The following TP63 variants were observed in gnomAD, a reference collection of about 807,000 sequenced individuals.
TP63 encodes the protein tumor protein p63, also known as tumor protein 63.
TP63 carries 17 observed loss-of-function variants against 82.8 expected under a neutral mutation model. The ratio of observed to expected loss-of-function variants is 0.21; its 90% CI spans 0.14 to 0.31. The LOEUF is 0.31. Ranked by LOEUF, TP63 falls within the 10% of genes least tolerant of loss-of-function variation. The pLI is 1.00. For missense variants in TP63, 648 were observed against 895.3 expected (o/e 0.72, Z 3.52); for synonymous variants, 330 against 321.7 (o/e 1.03, Z -0.28).
At chr3:189,719,711 A>C (rs1046651804) in intron 1 of TP63, among the ~76,000 whole-genome samples, 2 of 152,208 alleles carry the variant, frequency 1.3e-5, no homozygotes, top group Admixed American at 6.5e-5. Context: ...AGATGAGAGT[A>C]TGTGGGTAGC....
intron 4 of TP63, among the ~76,000 whole-genome samples, chr3:189,862,771 G>C (rs1238645948): frequency 6.6e-6 from 1 of 152,142 alleles, no homozygotes; most frequent in African/African-American, 2.4e-5. Context: ...TACCCATCTA[G>C]ATTTCATTCA....
At chr3:189,673,259 G>T (rs756311957) in intron 1 of TP63, among the ~76,000 whole-genome samples, 8 of 152,086 alleles carry the variant, frequency 5.3e-5, no homozygotes, top group Non-Finnish European at 7.4e-5. Context: ...TCCTCAGTCT[G>T]ATAAAACTGA....
chr3:189,614,696 A>G, the TP63 span, among the ~76,000 whole-genome samples: 1 of 152,196 alleles, frequency 6.6e-6, no homozygotes, highest in Admixed American at 6.5e-5. Context: ...TGTGGAGTAC[A>G]TTTAATCTGA....
intron 4 of TP63, among the ~76,000 whole-genome samples, chr3:189,822,675 A>T (rs116124935): frequency 4.1e-4 from 63 of 152,318 alleles, no homozygotes; most frequent in African/African-American, 1.5e-3. Flanking sequence ...AGATAAGTTA[A>T]AGTGCCCTGG....
intron 3 of TP63, among the ~76,000 whole-genome samples, 195 bp from the exon 4 acceptor site, chr3:189,808,077 C>G (rs754718649): frequency 3.3e-4 from 50 of 152,168 alleles, no homozygotes; most frequent in Non-Finnish European, 6.6e-4. Flanking sequence ...CTGGAAAAGC[C>G]GTTACAAACA....
At chr3:189,880,617 G>A (rs1201369484) in intron 10 of TP63, 1 of 985,926 alleles carries the variant, frequency 1.0e-6, no homozygotes, top group African/African-American at 1.7e-5. Context: ...GAAAAAAGTT[G>A]TTATTGTCTG....
chr3:189,868,516 T>A (rs1225191034), intron 7 of TP63, 64 bp from the exon 8 acceptor site: 5 of 1,599,178 alleles, frequency 3.1e-6, no homozygotes, highest in South Asian at 1.1e-5. Flanking sequence ...AAGTGGTAGA[T>A]CTTCAGGGGA....
chr3:189,659,590 C>G (rs1159945576), intron 1 of TP63, among the ~76,000 whole-genome samples: 1 of 151,998 alleles, frequency 6.6e-6, no homozygotes, highest in African/African-American at 2.4e-5. Flanking sequence ...AATGGAATTG[C>G]TGGGTCGAAT....
intron 4 of TP63, among the ~76,000 whole-genome samples, chr3:189,850,828 T>C (rs1715535097): frequency 6.6e-6 from 1 of 152,194 alleles, no homozygotes; most frequent in African/African-American, 2.4e-5. Flanking sequence ...AATTCTTTTT[T>C]TATAAATGAA....
intron 3 of TP63, among the ~76,000 whole-genome samples, chr3:189,742,683 A>G (rs979977030): frequency 1.3e-5 from 2 of 152,250 alleles, no homozygotes; most frequent in African/African-American, 2.4e-5. Context: ...AAGCACATAC[A>G]GTAGGTCTAG....
Position 189,756,774 on chromosome 3 carries a change from C to G in TP63, c.324+18000C>G, listed in dbSNP as rs562538993. ...GGAGGGAGAGTTGGAAATGATAGCC[C>G]CAGGGAAATAGTTCCCTTAACACCT... On this transcript the variant is annotated intron_variant, in intron 3 of 13. Transcript: ENST00000264731. 2.0e-5 allele frequency among the ~76,000 whole-genome samples: 3 copies of G among 152,212 alleles called. No homozygotes were observed. The East Asian group carries it at 5.8e-4, about 29-fold the overall frequency.
chr3:189,746,202 C>T (rs928129503), intron 3 of TP63, among the ~76,000 whole-genome samples: 2 of 151,790 alleles, frequency 1.3e-5, no homozygotes, highest in South Asian at 2.1e-4. Flanking sequence ...AGACCCCCAT[C>T]AGACAAAGAG....
At chr3:189,805,283 T>C (rs1726761795) in intron 3 of TP63, among the ~76,000 whole-genome samples, 1 of 152,218 alleles carries the variant, frequency 6.6e-6, no homozygotes, top group Non-Finnish European at 1.5e-5. Context: ...TCACTAGCTT[T>C]TCTTATTCAT....
intron 3 of TP63, among the ~76,000 whole-genome samples, chr3:189,755,051 C>T (rs1226744308): frequency 1.3e-5 from 2 of 152,092 alleles, no homozygotes; most frequent in African/African-American, 4.8e-5. Flanking sequence ...ATTCTGTCTG[C>T]ACTAATTTAG....
intron 3 of TP63, among the ~76,000 whole-genome samples, chr3:189,804,069 C>T (rs77866941): frequency 0.019 from 2,912 of 152,250 alleles, 47 homozygotes; most frequent in Non-Finnish European, 0.031. Flanking sequence ...CTAAGAAATA[C>T]ATGCATATGG....
At chr3:189,881,727 T>TA (rs140503733) in intron 10 of TP63, among the ~76,000 whole-genome samples, 6 of 152,142 alleles carry the variant, frequency 3.9e-5, no homozygotes, top group Non-Finnish European at 7.4e-5. Flanking sequence ...TAAACTAACT[T>TA]AAAAAAATAC....
chr3:189,608,482 T>C, the TP63 span, among the ~76,000 whole-genome samples: 2 of 152,132 alleles, frequency 1.3e-5, no homozygotes, highest in East Asian at 3.8e-4. Context: ...CACAGAGAGA[T>C]AAGGCAATGG....
At chr3:189,751,932 G>A (rs1453926806) in intron 3 of TP63, among the ~76,000 whole-genome samples, 3 of 152,026 alleles carry the variant, frequency 2.0e-5, no homozygotes, top group African/African-American at 7.2e-5. Flanking sequence ...GGGGAAAATT[G>A]TGTAGAATTG....
At chr3:189,609,863 G>A in the TP63 span, among the ~76,000 whole-genome samples, 4 of 152,118 alleles carry the variant, frequency 2.6e-5, no homozygotes, top group Non-Finnish European at 4.4e-5. Flanking sequence ...TGTCTTTATA[G>A]TACAATGATT....
Sources: gnomAD v4.1 joint callset for allele counts (sites outside exome capture counted in the v4.1 genomes callset) on GRCh38, gnomAD v4.1.1 for gene constraint, MANE v1.5 for transcripts, NCBI Gene and HGNC (gene_info 2026-07-23, HGNC 2026-07-21) for gene names.